The following NELL1 variants were observed in gnomAD, a reference collection of about 807,000 sequenced individuals.
NELL1 encodes neural EGFL like 1.
Under a neutral mutation model 107.4 loss-of-function variants are expected in NELL1, and 76 were observed. The ratio of observed to expected loss-of-function variants is 0.71; its 90% confidence interval spans 0.59 to 0.86. NELL1 has a LOEUF of 0.86. NELL1 is among the 40% of genes least tolerant of loss of function. The pLI, the probability that NELL1 is intolerant of heterozygous loss-of-function variation, is 0.00. For missense variants in NELL1, 1,024 were observed against 1,005.5 expected, an observed-to-expected ratio of 1.02 and a Z score of -0.25; for synonymous variants, 353 against 341.2, an observed-to-expected ratio of 1.03 and a Z score of -0.38.
intron 10 of NELL1, among the ~76,000 whole-genome samples, chr11:20,947,135 G>GATATAGAA (rs1850978837): frequency 6.6e-6 from 1 of 152,206 alleles, no homozygotes; most frequent in Admixed American, 6.5e-5. Context: ...AGGCTTTTAG[G>GATATAGAA]ATATAGAAAG....
At chr11:20,707,214 G>C (rs1202465269) in intron 2 of NELL1, among the ~76,000 whole-genome samples, 1 of 152,130 alleles carries the variant, frequency 6.6e-6, no homozygotes, top group Non-Finnish European at 1.5e-5. Flanking sequence ...AGCTCTATCA[G>C]GTCATTTAAG....
chr11:20,927,202 G>C, intron 7 of NELL1, 106 bp from the exon 8 acceptor site: 1 of 1,034,948 alleles, frequency 9.7e-7, no homozygotes, highest in Non-Finnish European at 1.4e-6. Context: ...ACTGCTCTGA[G>C]CATTTTTTTC....
chr11:20,732,601 G>A (rs1265935899), intron 2 of NELL1, among the ~76,000 whole-genome samples: 1 of 152,154 alleles, frequency 6.6e-6, no homozygotes, highest in East Asian at 1.9e-4. Context: ...TTTGCAGCAA[G>A]AGGGGAAAAG....
intron 12 of NELL1, among the ~76,000 whole-genome samples, chr11:20,982,227 G>A (rs1851764447): frequency 6.6e-6 from 1 of 152,140 alleles, no homozygotes; most frequent in Non-Finnish European, 1.5e-5. Context: ...GTGAGGATGA[G>A]AATTCACGTT....
intron 2 of NELL1, among the ~76,000 whole-genome samples, chr11:20,701,101 T>G (rs963679883): frequency 6.6e-6 from 1 of 152,164 alleles, no homozygotes; most frequent in Non-Finnish European, 1.5e-5. Flanking sequence ...TCCACAATGG[T>G]TGGACTAGTT....
intron 15 of NELL1, among the ~76,000 whole-genome samples, chr11:21,526,377 A>G (rs1164501527): frequency 2.6e-5 from 4 of 152,174 alleles, no homozygotes; most frequent in Non-Finnish European, 1.5e-5. Context: ...AAGGGTTGGC[A>G]TTGAGTGTCT....
chr11:21,454,141 A>G (rs1255739415), intron 15 of NELL1, among the ~76,000 whole-genome samples: 3 of 131,338 alleles, frequency 2.3e-5, no homozygotes, highest in Admixed American at 8.9e-5. Flanking sequence ...ATGTGATCTC[A>G]TTGTTCAATT....
intron 14 of NELL1, among the ~76,000 whole-genome samples, chr11:21,241,902 C>CTTT (rs1474221218): frequency 3.7e-4 from 26 of 69,370 alleles, no homozygotes; most frequent in South Asian, 6.6e-4. Flanking sequence ...ATGTCTGTTT[C>CTTT]TATTTTTTTT....
At chr11:21,391,991 T>G (rs1851889242) in intron 15 of NELL1, among the ~76,000 whole-genome samples, 1 of 151,866 alleles carries the variant, frequency 6.6e-6, no homozygotes, top group Non-Finnish European at 1.5e-5. Flanking sequence ...AAATCAATCC[T>G]ATAAATTAAT....
chr11:20,767,972 G>A (rs1009230471), intron 2 of NELL1, among the ~76,000 whole-genome samples: 1 of 152,182 alleles, frequency 6.6e-6, no homozygotes, highest in Admixed American at 6.5e-5. Context: ...GAAAGAGAGA[G>A]AGAGAGACTT....
intron 17 of NELL1, among the ~76,000 whole-genome samples, chr11:21,561,543 A>C (rs1172432465): frequency 1.3e-5 from 2 of 152,078 alleles, no homozygotes; most frequent in Non-Finnish European, 2.9e-5. Flanking sequence ...TTTCCATGGG[A>C]TAAAGTAACT....
At chr11:21,518,183 A>G (rs1402836602) in intron 15 of NELL1, among the ~76,000 whole-genome samples, 1 of 151,648 alleles carries the variant, frequency 6.6e-6, no homozygotes, top group Non-Finnish European at 1.5e-5. Flanking sequence ...CAGAAGCACA[A>G]TGATAAAACT....
chr11:20,927,747 C>T (rs988590039), intron 8 of NELL1, among the ~76,000 whole-genome samples: 3 of 152,304 alleles, frequency 2.0e-5, no homozygotes, highest in African/African-American at 7.2e-5. Context: ...GATTTTCAAA[C>T]AACCTAATGG....
At chr11:20,803,699 A>G (rs190639291) in intron 3 of NELL1, among the ~76,000 whole-genome samples, 2 of 152,108 alleles carry the variant, frequency 1.3e-5, no homozygotes, top group African/African-American at 2.4e-5. Context: ...GTTAATACCG[A>G]GTGTCAACTT....
At chr11:21,186,403 CT>C (rs1856936781) in intron 13 of NELL1, among the ~76,000 whole-genome samples, 1 of 151,872 alleles carries the variant, frequency 6.6e-6, no homozygotes, top group Non-Finnish European at 1.5e-5. Context: ...TCTCTATCTA[CT>C]TGTTTTTACC....
At chr11:21,253,137 A>G (rs10833482) in intron 14 of NELL1, among the ~76,000 whole-genome samples, 31,422 of 152,032 alleles carry the variant, frequency 0.21, 4,051 homozygotes, top group East Asian at 0.37. Flanking sequence ...TTTAGGGATC[A>G]TCTCTCCTAT....
At chr11:21,492,043 T>C (rs1325412407) in intron 15 of NELL1, among the ~76,000 whole-genome samples, 1 of 151,950 alleles carries the variant, frequency 6.6e-6, no homozygotes, top group African/African-American at 2.4e-5. Flanking sequence ...CAAACTAATT[T>C]ACAAGGAAAA....
intron 5 of NELL1, among the ~76,000 whole-genome samples, chr11:20,915,207 G>A (rs1170057179): frequency 6.6e-6 from 1 of 151,928 alleles, no homozygotes; most frequent in Non-Finnish European, 1.5e-5. Flanking sequence ...ATATGAGTTG[G>A]ATGCAATAAT....
At chr11:20,916,532 G>A (rs1449315432) in intron 5 of NELL1, among the ~76,000 whole-genome samples, 1 of 151,802 alleles carries the variant, frequency 6.6e-6, no homozygotes, top group Non-Finnish European at 1.5e-5. Flanking sequence ...CTTTTCCATG[G>A]ATGATAAAAA....
Sources: allele counts gnomAD v4.1 joint callset (sites outside exome capture counted in the v4.1 genomes callset), GRCh38; gene constraint gnomAD v4.1.1; transcripts MANE v1.5; gene names NCBI Gene and HGNC (gene_info 2026-07-23, HGNC 2026-07-21).